Variants in CRTC3 observed in about 807,000 individuals in gnomAD.
The protein encoded by CRTC3 is CREB regulated transcription coactivator 3.
A neutral mutation model predicts 74.5 loss-of-function variants in CRTC3; 26 were observed. That is an observed-to-expected ratio of 0.35 (90% confidence interval 0.26 to 0.48). The LOEUF is 0.48. Ranked by LOEUF, CRTC3 falls within the 20% of genes least tolerant of loss-of-function variation. The pLI, the probability that CRTC3 is intolerant of heterozygous loss-of-function variation, is 0.99. For synonymous variants in CRTC3, 377 were observed against 325.8 expected (o/e 1.16, Z -1.69); for missense variants, 760 against 787.3 (o/e 0.97, Z 0.41).
chr15:90,540,020 T>G lies in CRTC3; in HGVS notation c.133-19T>G, dbSNP rs1966777802. 3 of 1,564,052 alleles carry G rather than the reference T, an allele frequency of 1.9e-6. No individual in the cohort carries two copies. Among genetic ancestry groups the G allele is most frequent in the Non-Finnish European group, 2.6e-6 (3 of 1,134,888 alleles). ...CTTTGCTGTTACCTCTCAGCGTTCT[T>G]AAATCACTTTGTTTCCAGGTTCAAT... is the stretch of plus-strand genomic sequence containing the variant. On this transcript the variant is annotated intron_variant, in intron 1 of 14. Transcript: ENST00000268184.
intron 3 of CRTC3, among the ~76,000 whole-genome samples, chr15:90,601,495 A>C (rs1358089424): frequency 1.3e-5 from 2 of 151,980 alleles, no homozygotes; most frequent in African/African-American, 2.4e-5. Flanking sequence ...AATTAAAAAA[A>C]ATACAAAATT....
At chr15:90,598,303 A>C (rs1043526396) in intron 3 of CRTC3, 1 of 641,526 alleles carries the variant, frequency 1.6e-6, no homozygotes, top group African/African-American at 1.8e-5. Context: ...AGAAAGGGCC[A>C]GGGCGGGTCT....
At chr15:90,547,157 A>G (rs1322628578) in intron 2 of CRTC3, among the ~76,000 whole-genome samples, 2 of 152,218 alleles carry the variant, frequency 1.3e-5, no homozygotes, top group Non-Finnish European at 2.9e-5. Context: ...ACGATACGAT[A>G]TTTTCATAAA....
intron 2 of CRTC3, among the ~76,000 whole-genome samples, chr15:90,558,837 C>T (rs967801132): frequency 1.3e-5 from 2 of 151,862 alleles, no homozygotes; most frequent in African/African-American, 4.8e-5. Context: ...CTGCAACCTC[C>T]ACCTCCCGGG....
chr15:90,570,395 G>C (rs1162777294), intron 2 of CRTC3, among the ~76,000 whole-genome samples: 1 of 152,094 alleles, frequency 6.6e-6, no homozygotes, highest in Non-Finnish European at 1.5e-5. Context: ...AAATTCTTGA[G>C]TTTCTCTTTA....
Position 90,642,029 on chromosome 15 carries a change from G to A in CRTC3, c.1749G>A (p.Glu583=), listed in dbSNP as rs764465913. 1.2e-6 allele frequency: 2 copies of A among 1,613,998 alleles called. No individual in the cohort carries two copies. Among genetic ancestry groups the A allele is most frequent in the Admixed American group, 1.7e-5 (1 of 60,034 alleles). Residue 583 remains glutamate (E), a synonymous_variant, in exon 15 of 15, where the codon GAG becomes GAA. Coordinates refer to ENST00000268184, the MANE Select transcript of CRTC3 (RefSeq NM_022769.5). ...TGGACACTCCATTTCCACTGGAAGA[G>A]GAGCTGCAGATTGAACCCCTGAGCC... ...LNVDTPFPLE[E]ELQIEPLSLD... is the part of the protein sequence containing the mutation.
intron 2 of CRTC3, among the ~76,000 whole-genome samples, chr15:90,574,380 A>G (rs1315006416): frequency 6.6e-6 from 1 of 152,152 alleles, no homozygotes; most frequent in East Asian, 1.9e-4. Flanking sequence ...CAGGAGGCTG[A>G]GGCAGGAGGA....
In CRTC3 at chr15:90,629,453, C is replaced by T. The variant is rs1018816224; in HGVS notation, c.1187C>T (p.Ser396Phe). The change falls in exon 11 of 15, where the codon TCT becomes TTT. Residue 396 changes from serine (S) to phenylalanine (F), a missense_variant. By Grantham distance (155) the Ser-to-Phe change is radical. Coordinates refer to ENST00000268184, the MANE Select transcript of CRTC3 (RefSeq NM_022769.5). Reference sequence around the variant, plus strand: ...CCTCCCGTCAGCCCTCTCACGCTTTCTCCTGGCCCTGAAGCACATCAAGGT... The same window carrying T: ...CCTCCCGTCAGCCCTCTCACGCTTTTTCCTGGCCCTGAAGCACATCAAGGT... ...RQPPVSPLTL[S>F]PGPEAHQGFS... The T allele has an allele frequency of 6.2e-7, 1 of 1,614,056 alleles. No individual in the cohort carries two copies. The highest frequency in any genetic ancestry group is 8.5e-7 in the Non-Finnish European group (1 of 1,180,052).
Position 90,556,106 on chromosome 15 carries a change from A to G in CRTC3, c.231+15969A>G, listed in dbSNP as rs973072392. On this transcript the variant is annotated intron_variant, in intron 2 of 14. Transcript: ENST00000268184. Reference sequence around the variant, plus strand: ...TTTTTTCTTTTTCAACCATTATATAATAATTATTTCCCTATGTCATTAAAA... The same window carrying G: ...TTTTTTCTTTTTCAACCATTATATAGTAATTATTTCCCTATGTCATTAAAA... Among the ~76,000 whole-genome samples the G allele has an allele frequency of 9.2e-5, 14 of 152,176 alleles. 1 individual carries two copies. In the East Asian group the frequency reaches 2.7e-3, roughly 29 times the overall value.
Position 90,541,384 on chromosome 15 carries a change from A to G in CRTC3, c.231+1247A>G, listed in dbSNP as rs148812471. Among the ~76,000 whole-genome samples, 7 of 152,282 alleles carry G rather than the reference A, an allele frequency of 4.6e-5. No individual in the cohort carries two copies. In the East Asian group the frequency reaches 1.3e-3, roughly 29 times the overall value. ...TGTATTATTTAAGTTGGGGACTTCC[A>G]TTTGAGAGTGCTGATAGGAACTCCA... is the stretch of plus-strand genomic sequence containing the variant. On this transcript the variant is annotated intron_variant, in intron 2 of 14. Coordinates refer to ENST00000268184, the MANE Select transcript of CRTC3 (RefSeq NM_022769.5).
chr15:90,533,421 G>GAAAA (rs1555445284), intron 1 of CRTC3, among the ~76,000 whole-genome samples: 15 of 67,802 alleles, frequency 2.2e-4, no homozygotes, highest in Admixed American at 3.8e-4. Context: ...ACTCCGCCTA[G>GAAAA]GAAAAAAAAA....
At chr15:90,569,438 G>A (rs549380251) in intron 2 of CRTC3, among the ~76,000 whole-genome samples, 89 of 147,976 alleles carry the variant, frequency 6.0e-4, no homozygotes, top group African/African-American at 2.2e-3. Flanking sequence ...TCCTGCCACA[G>A]CCTCCCAAGT....
chr15:90,573,552 C>A (rs1327702196), intron 2 of CRTC3, among the ~76,000 whole-genome samples: 1 of 86,652 alleles, frequency 1.2e-5, no homozygotes, highest in Non-Finnish European at 3.0e-5. Context: ...AGAGGGTTCC[C>A]ATTTTTTTTT....
intron 2 of CRTC3, among the ~76,000 whole-genome samples, chr15:90,541,036 A>G (rs1381385835): frequency 1.3e-5 from 2 of 152,196 alleles, no homozygotes; most frequent in Non-Finnish European, 2.9e-5. Flanking sequence ...CATTTAGATT[A>G]CTGCAGTGTC....
intron 14 of CRTC3, among the ~76,000 whole-genome samples, chr15:90,641,550 A>G (rs1691388837): frequency 6.6e-6 from 1 of 152,090 alleles, no homozygotes; most frequent in South Asian, 2.1e-4. Context: ...TACAAAAAAA[A>G]TTAGCTGGGC....
chr15:90,559,893 T>C (rs1966974976), intron 2 of CRTC3, among the ~76,000 whole-genome samples: 1 of 152,262 alleles, frequency 6.6e-6, no homozygotes, highest in Admixed American at 6.5e-5. Flanking sequence ...TCCATCCGCC[T>C]TGGCCTCCCA....
intron 2 of CRTC3, among the ~76,000 whole-genome samples, chr15:90,545,214 G>A (rs944675245): frequency 3.3e-5 from 5 of 152,086 alleles, no homozygotes; most frequent in African/African-American, 1.2e-4. Context: ...TTCATTGTAT[G>A]TGGATGCCAC....
intron 3 of CRTC3, 90 bp downstream of exon 3, chr15:90,593,845 C>G: frequency 7.3e-7 from 1 of 1,362,334 alleles, no homozygotes. Context: ...CTCCTTTGGC[C>G]TCAGAATCTT....
At chr15:90,639,732 G>A (rs548824077) in intron 13 of CRTC3, among the ~76,000 whole-genome samples, 2 of 149,368 alleles carry the variant, frequency 1.3e-5, no homozygotes, top group East Asian at 2.1e-4. Context: ...TTACAGGTGC[G>A]AGCCACTGTG....
Sources: allele counts gnomAD v4.1 joint callset (sites outside exome capture counted in the v4.1 genomes callset), GRCh38; gene constraint gnomAD v4.1.1; transcripts MANE v1.5; gene names NCBI Gene and HGNC (gene_info 2026-07-23, HGNC 2026-07-21).